Variants in VPS13A observed in about 807,000 individuals in gnomAD.
VPS13A encodes vacuolar protein sorting 13 homolog A.
Under a neutral mutation model 390.9 loss-of-function variants are expected in VPS13A, and 264 were observed. The observed-to-expected ratio is 0.68, with a 90% CI of 0.61 to 0.75. The LOEUF (loss-of-function observed/expected upper bound fraction) is 0.75. VPS13A is among the 30% of genes least tolerant of loss of function. The pLI is 0.00. For missense variants in VPS13A, 3,409 were observed against 3,733.9 expected (o/e 0.91, Z 2.27); for synonymous variants, 1,231 against 1,227.1 (o/e 1.00, Z -0.07).
intron 52 of VPS13A, 147 bp from the exon 53 acceptor site, chr9:77,351,170 G>A (rs573202772): frequency 1.9e-5 from 19 of 1,002,694 alleles, no homozygotes; most frequent in Non-Finnish European, 2.8e-5. Flanking sequence ...TTTTTTAATT[G>A]TATAAGGTAA....
intron 6 of VPS13A, 98 bp downstream of exon 6, chr9:77,209,630 C>G (rs2131140882): frequency 1.3e-6 from 1 of 762,794 alleles, no homozygotes; most frequent in Admixed American, 2.3e-5. Context: ...CTGTTAAATC[C>G]CAAAAGGTTA....
At chr9:77,331,392 G>C (rs1294414420) in intron 45 of VPS13A, among the ~76,000 whole-genome samples, 4 of 151,906 alleles carry the variant, frequency 2.6e-5, no homozygotes, top group African/African-American at 9.7e-5. Flanking sequence ...CCATACTTCT[G>C]ATTTTTTTTG....
chr9:77,290,171 A>C (rs1470935152), intron 31 of VPS13A, among the ~76,000 whole-genome samples: 1 of 151,870 alleles, frequency 6.6e-6, no homozygotes, highest in African/African-American at 2.4e-5. Flanking sequence ...AAAAACCTTT[A>C]TTTCACCCTA....
intron 60 of VPS13A, 39 bp downstream of exon 60, chr9:77,365,612 G>A (rs751389586): frequency 4.7e-6 from 6 of 1,287,960 alleles, no homozygotes; most frequent in Admixed American, 1.7e-5. Context: ...GATAATCTAG[G>A]TAATAGCAAA....
chr9:77,225,801 ATGTT>A (rs1324879426), intron 13 of VPS13A, 121 bp from the exon 14 acceptor site: 1 of 706,132 alleles, frequency 1.4e-6, no homozygotes, highest in Non-Finnish European at 2.5e-6. Flanking sequence ...ATATTGATGA[ATGTT>A]CTGTTGTTTG....
Position 77,416,143 on chromosome 9 carries a change from CAA to C in VPS13A, c.*143_*144del. 1 of 1,035,506 alleles carries C rather than the reference CAA, an allele frequency of 9.7e-7. No individual in the cohort carries two copies. Among genetic ancestry groups the C allele is most frequent in the Non-Finnish European group, 1.4e-6 (1 of 695,698 alleles). The allele number at this position is 1,035,506 out of a possible 1,614,324, so 64.1% of individuals were successfully genotyped here. A position where few individuals can be genotyped will look rare whatever the true frequency, so the allele number is the denominator to read the frequency against. On this transcript the variant is annotated 3_prime_UTR_variant, in exon 72 of 72. Transcript: ENST00000360280. ...CTGGATGCTAAAAAACAAAAACAAA[CAA>C]AAAAACAAAAACAAAAAAACAAAAC...
chr9:77,366,852 T>A lies in VPS13A; in HGVS notation c.8451T>A (p.Asp2817Glu). ...LLKSIGATLT[D>E]VQDVVFKLAF... Reference sequence around the variant, plus strand: ...AGAGTATTGGTGCCACACTGACAGATGTACAAGATGTAGTTTTTAAGTATG... The same window carrying A: ...AGAGTATTGGTGCCACACTGACAGAAGTACAAGATGTAGTTTTTAAGTATG... The change falls in exon 61 of 72, where the codon GAT becomes GAA. Residue 2817 changes from aspartate to glutamate, a missense_variant. Coordinates refer to ENST00000360280, the MANE Select transcript of VPS13A (RefSeq NM_033305.3). 1.2e-6 allele frequency: 2 copies of A among 1,613,054 alleles called. No individual in the cohort carries two copies. The highest frequency in any genetic ancestry group is 1.7e-5 in the Admixed American group (1 of 59,950).
At position 77,247,372 on chromosome 9, in the gene VPS13A, C is replaced by G; in HGVS notation, c.2014C>G (p.Leu672Val). The G allele has an allele frequency of 1.2e-6, 2 of 1,612,324 alleles. No individual in the cohort carries two copies. Among genetic ancestry groups the G allele is most frequent in the Non-Finnish European group, 1.7e-6 (2 of 1,179,180 alleles). ...TTTTAGTCCTACATCAAATCTGCTT[C>G]TTTTGGACCTTGGTCATCTAAAGGT... ...GIFSPTSNLL[L>V]LDLGHLKVTS... Residue 672 changes from leucine (L) to valine (V), a missense_variant, in exon 20 of 72, where the codon CTT (leucine) becomes GTT (valine). Leu to Val is a conservative substitution (Grantham distance 32). Coordinates refer to ENST00000360280, the MANE Select transcript of VPS13A (RefSeq NM_033305.3).
rs551200199 is a variant in VPS13A, at chr9:77,349,221, C to G, written c.7290-2096C>G. ...CCTCCTTTGTTCTCTCCCTCCCTCC[C>G]TTTCTTCCTTCCTTATGTATCTCTC... On this transcript the variant is annotated intron_variant, in intron 52 of 71. Coordinates refer to ENST00000360280, the MANE Select transcript of VPS13A (RefSeq NM_033305.3). Among the ~76,000 whole-genome samples the G allele has an allele frequency of 2.0e-5, 3 of 152,172 alleles. No individual in the cohort carries two copies. In the South Asian group the frequency reaches 6.2e-4, roughly 32 times the overall value.
At chr9:77,218,207 G>A (rs548523545) in intron 10 of VPS13A, among the ~76,000 whole-genome samples, 1 of 147,982 alleles carries the variant, frequency 6.8e-6, no homozygotes, top group South Asian at 2.1e-4. Context: ...TCCACCTCAC[G>A]GGTTCATGCC....
At chr9:77,256,210 G>A (rs1303902228) in intron 22 of VPS13A, among the ~76,000 whole-genome samples, 1 of 151,754 alleles carries the variant, frequency 6.6e-6, no homozygotes, top group Non-Finnish European at 1.5e-5. Context: ...CATTTGTCTT[G>A]AGTTATTTTC....
In VPS13A at chr9:77,250,152, T is replaced by C. The variant is rs1264166037; in HGVS notation, c.2093T>C (p.Leu698Pro). The part of the protein sequence containing the change: ...LPDVKQGEAN[L>P]KEIMDRAYDS... ...GATGTGAAACAAGGTGAGGCCAATCTTAAAGAGATAATGGATAGAGCTTAT... is the reference window on the plus strand; with the variant it reads ...GATGTGAAACAAGGTGAGGCCAATCCTAAAGAGATAATGGATAGAGCTTAT... Residue 698 changes from leucine (L) to proline (P), a missense_variant, in exon 21 of 72, where the codon CTT becomes CCT. Physicochemically the swap from Leu to Pro is moderately conservative, Grantham distance 98. Transcript: ENST00000360280. The C allele has an allele frequency of 6.2e-7, 1 of 1,613,844 alleles. No individual in the cohort carries two copies. The highest frequency in any genetic ancestry group is 1.7e-5 in the Admixed American group (1 of 59,996).
intron 46 of VPS13A, 69 bp downstream of exon 46, chr9:77,332,182 G>T (rs1830311331): frequency 1.2e-5 from 15 of 1,253,968 alleles, no homozygotes; most frequent in Non-Finnish European, 1.8e-5. Flanking sequence ...GATTTCACAT[G>T]GATAACTTTG....
chr9:77,223,288 C>T (rs539393963), intron 13 of VPS13A, among the ~76,000 whole-genome samples: 5 of 151,954 alleles, frequency 3.3e-5, no homozygotes, highest in Admixed American at 2.0e-4. Context: ...GAAATTAGGC[C>T]GATTAATAGC....
intron 46 of VPS13A, among the ~76,000 whole-genome samples, chr9:77,336,412 TA>T (rs902834534): frequency 1.3e-4 from 19 of 151,396 alleles, no homozygotes; most frequent in African/African-American, 3.9e-4. Flanking sequence ...TACTGATGTT[TA>T]AAAAAAAACA....
Position 77,400,223 on chromosome 9 carries a change from A to ATTTTTTTTTTTTTTTTTTTT in VPS13A, c.9190-3010_9190-2991dup, listed in dbSNP as rs34605855. Among the ~76,000 whole-genome samples, 37 of 88,106 alleles carry ATTTTTTTTTTTTTTTTTTTT rather than the reference A, an allele frequency of 4.2e-4. 1 individual carries two copies. Among genetic ancestry groups the ATTTTTTTTTTTTTTTTTTTT allele is most frequent in the African/African-American group, 1.6e-3 (32 of 19,598 alleles). The allele number at this position is 88,106 out of a possible 152,430, so 57.8% of individuals were successfully genotyped here. A position where few individuals can be genotyped will look rare whatever the true frequency, so the allele number is the denominator to read the frequency against. ...ATATTTTCTCATGTTTATCAGTCAG[A>ATTTTTTTTTTTTTTTTTTTT]TTTTTTTTTTTTTTTTTTTTTTGCT... is the stretch of plus-strand genomic sequence containing the variant. On this transcript the variant is annotated intron_variant, in intron 68 of 71. Coordinates refer to ENST00000360280, the MANE Select transcript of VPS13A (RefSeq NM_033305.3).
At chr9:77,298,546 A>G (rs1219106701) in intron 33 of VPS13A, among the ~76,000 whole-genome samples, 1 of 152,084 alleles carries the variant, frequency 6.6e-6, no homozygotes, top group Non-Finnish European at 1.5e-5. Context: ...TTCATGCAGT[A>G]CTTGGTATTT....
At chr9:77,191,925 G>C (rs1240748276) in intron 1 of VPS13A, among the ~76,000 whole-genome samples, 1 of 152,084 alleles carries the variant, frequency 6.6e-6, no homozygotes, top group Non-Finnish European at 1.5e-5. Flanking sequence ...CTTTAGGTCT[G>C]TCTAATACTG....
rs149959044 is a variant in VPS13A, at chr9:77,359,398, A to T, written c.8101A>T (p.Ile2701Phe). The T allele has an allele frequency of 4.3e-6, 7 of 1,610,928 alleles. No individual in the cohort carries two copies. The African/African-American group carries it at 6.7e-5, about 15-fold the overall frequency. The change falls in exon 58 of 72, where the codon ATT becomes TTT. Residue 2701 changes from isoleucine to phenylalanine, a missense_variant. This residue lies in a region of VPS13A where 221 missense variants were observed against 300.7 expected (regional missense o/e 0.73). Transcript: ENST00000360280. ...RSAGHSQISR[I>F]KYFKVLIQEM... Reference sequence around the variant, plus strand: ...TGCAGGACATTCCCAGATATCACGTATTAAGTAAGTGTCTTAATACATTTC... The same window carrying T: ...TGCAGGACATTCCCAGATATCACGTTTTAAGTAAGTGTCTTAATACATTTC...
Sources: gnomAD v4.1 joint callset for allele counts (sites outside exome capture counted in the v4.1 genomes callset) on GRCh38, gnomAD v4.1.1 for gene constraint, gnomAD v4.1.1 regional missense constraint, MANE v1.5 for transcripts, NCBI Gene and HGNC (gene_info 2026-07-23, HGNC 2026-07-21) for gene names.